The following MTCL1 variants were observed in gnomAD, a reference collection of about 807,000 sequenced individuals.
The protein encoded by MTCL1 is microtubule crosslinking factor 1, also known as microtubule cross-linking factor 1.
Under a neutral mutation model 141.4 loss-of-function variants are expected in MTCL1, and 79 were observed. The ratio of observed to expected loss-of-function variants is 0.56; its 90% CI spans 0.47 to 0.67. The LOEUF (loss-of-function observed/expected upper bound fraction) is 0.67. MTCL1 is among the 30% of genes least tolerant of loss of function. The pLI is 0.00. For missense variants in MTCL1, 2,177 were observed against 2,113.9 expected (o/e 1.03, Z -0.59); for synonymous variants, 914 against 875.8 (o/e 1.04, Z -0.77).
At chr18:8,731,064 T>A (rs555000668) in intron 4 of MTCL1, among the ~76,000 whole-genome samples, 1 of 151,464 alleles carries the variant, frequency 6.6e-6, no homozygotes, top group Non-Finnish European at 1.5e-5. Context: ...GCTAACACGG[T>A]GAAACCCCAT....
At chr18:8,718,731 C>A in intron 3 of MTCL1, 83 bp downstream of exon 2, 1 of 1,203,726 alleles carries the variant, frequency 8.3e-7, no homozygotes, top group South Asian at 1.2e-5. Flanking sequence ...TGTTTTTTCC[C>A]TGCTTGTGTC....
intron 7 of MTCL1, among the ~76,000 whole-genome samples, chr18:8,787,561 T>A (rs1438322224): frequency 6.6e-6 from 1 of 152,278 alleles, no homozygotes; most frequent in Non-Finnish European, 1.5e-5. Flanking sequence ...GTACAGCCGC[T>A]GTCTTGCCAT....
rs568386938 is a variant in MTCL1, at chr18:8,761,373, T to C, written c.358-16460T>C. Among the ~76,000 whole-genome samples the C allele has an allele frequency of 7.9e-5, 12 of 152,342 alleles. No individual in the cohort carries two copies. The East Asian group carries it at 2.3e-3, about 29-fold the overall frequency. ...CGTAAAAGTTACCATTTTAACCTTTTTAAAGCACCAATTTGGTGGCATTAA... is the reference window on the plus strand; with the variant it reads ...CGTAAAAGTTACCATTTTAACCTTTCTAAAGCACCAATTTGGTGGCATTAA... On this transcript the variant is annotated intron_variant, in intron 4 of 16. Coordinates refer to ENST00000359865, the Ensembl canonical transcript of MTCL1.
At chr18:8,732,667 A>T (rs1223415772) in intron 4 of MTCL1, among the ~76,000 whole-genome samples, 1 of 152,146 alleles carries the variant, frequency 6.6e-6, no homozygotes, top group Non-Finnish European at 1.5e-5. Flanking sequence ...ACACAGCCCA[A>T]CTGAATGTCT....
chr18:8,760,695 C>T (rs1020905616), intron 4 of MTCL1, among the ~76,000 whole-genome samples: 2 of 151,768 alleles, frequency 1.3e-5, no homozygotes, highest in East Asian at 1.9e-4. Flanking sequence ...CGTAAGAAAC[C>T]GTGTGTGTGT....
intron 1 of MTCL1, among the ~76,000 whole-genome samples, chr18:8,710,805 G>A (rs1219310186): frequency 5.5e-5 from 8 of 144,560 alleles, no homozygotes; most frequent in Middle Eastern, 3.8e-3. Context: ...GTCTGATAAA[G>A]GAGGGGTTTG....
At chr18:8,783,995 A>T (rs2096541606) in exon 6 of MTCL1, 1 of 1,613,564 alleles carries the variant, frequency 6.2e-7, no homozygotes, top group Admixed American at 1.7e-5. Flanking sequence ...CATCTCCGAG[A>T]TCGAAGACCA....
At chr18:8,784,281 A>T in exon 6 of MTCL1, 1 of 1,592,630 alleles carries the variant, frequency 6.3e-7, no homozygotes, top group South Asian at 1.1e-5. Context: ...GCCGAGAGTG[A>T]TGCGGGCAAG....
rs759175188 is a variant in MTCL1, at chr18:8,819,020, G to C, written c.2917G>C (p.Gly973Arg). Reference sequence around the variant, plus strand: ...CAGTTTCCTCTGTGATCAAAAAGACGGCAACGTTCGCCCCTTTCCCCACCA... The same window carrying C: ...CAGTTTCCTCTGTGATCAAAAAGACCGCAACGTTCGCCCCTTTCCCCACCA... The change falls in exon 13 of 17, where the codon GGC (glycine) becomes CGC (arginine). Residue 973 changes from glycine to arginine, a missense_variant. Transcript: ENST00000359865. 54 of 1,614,104 alleles carry C rather than the reference G, an allele frequency of 3.3e-5. No homozygotes were observed. The East Asian group carries it at 1.2e-3, about 35-fold the overall frequency.
intron 9 of MTCL1, among the ~76,000 whole-genome samples, chr18:8,797,180 A>T (rs940281372): frequency 3.3e-5 from 5 of 152,264 alleles, no homozygotes; most frequent in East Asian, 1.9e-4. Flanking sequence ...ATCTCATTCA[A>T]CCTTGCTGGT....
At chr18:8,817,273 TAAAG>T (rs2076686915) in intron 12 of MTCL1, among the ~76,000 whole-genome samples, 5 of 149,352 alleles carry the variant, frequency 3.3e-5, no homozygotes, top group East Asian at 1.9e-4. Flanking sequence ...TTTTTTTTTT[TAAAG>T]AAAGCAGTTA....
At chr18:8,747,006 G>A (rs772380824) in intron 4 of MTCL1, among the ~76,000 whole-genome samples, 48 of 152,194 alleles carry the variant, frequency 3.2e-4, no homozygotes, top group South Asian at 2.1e-4. Flanking sequence ...ACTGAGCATC[G>A]TCACCTGGGG....
rs150207331 is a variant in MTCL1, at chr18:8,822,350, A to G, written c.3188+852A>G. 7.1e-3 allele frequency among the ~76,000 whole-genome samples: 1,079 copies of G among 152,310 alleles called. 7 individuals carry two copies. The highest frequency in any genetic ancestry group is 0.025 in the African/African-American group (1,040 of 41,550). ...CGCTCTGTCTCCCAGGCTGGAGTAC[A>G]GTGGCACAATCTTGGCTCACTGCAA... is the stretch of plus-strand genomic sequence containing the variant. On this transcript the variant is annotated intron_variant, in intron 14 of 16. Coordinates refer to ENST00000359865, the Ensembl canonical transcript of MTCL1. The surrounding 1 kb of genome is among the most constrained non-coding windows in gnomAD (Gnocchi z 4.6).
chr18:8,798,985 A>G (rs1042986186), intron 10 of MTCL1, among the ~76,000 whole-genome samples: 1 of 152,204 alleles, frequency 6.6e-6, no homozygotes, highest in Non-Finnish European at 1.5e-5. Flanking sequence ...GTCCCCTCTA[A>G]CCCAACTTTA....
chr18:8,705,986 A>G lies in MTCL1; in HGVS notation c.326A>G (p.Asp109Gly), dbSNP rs918011868. The change falls in exon 1 of 14, where the codon GAC becomes GGC. Residue 109 changes from aspartate to glycine, a missense_variant. Asp to Gly is a moderately conservative substitution (Grantham distance 94). Transcript: ENST00000306329. This position sits in a 1 kb window ranked among gnomAD's most constrained non-coding sequence, Gnocchi z 5.2. ...AGTGGCGGCGTCCCGGGCGCGAAGG[A>G]CAAGCCCCCGCCGGGCGCCGGGGCC... is the stretch of plus-strand genomic sequence containing the variant. 101 of 1,142,088 alleles carry G rather than the reference A, an allele frequency of 8.8e-5. No individual in the cohort carries two copies. The highest frequency in any genetic ancestry group is 4.4e-4 in the Admixed American group (9 of 20,604). The allele number at this position is 1,142,088 out of a possible 1,614,324, so 70.7% of individuals were successfully genotyped here. A position where few individuals can be genotyped will look rare whatever the true frequency, so the allele number is the denominator to read the frequency against.
At position 8,809,388 on chromosome 18, in the gene MTCL1, A is replaced by G. The variant is rs2076404338; in HGVS notation, c.2604+2328A>G. On this transcript the variant is annotated intron_variant, in intron 11 of 16. Transcript: ENST00000359865. ...CAACAGAAATCACGGATCTTTTTGA[A>G]AGGAAGTATGGAATGAAAGAATAAA... 3 of 1,514,782 alleles carry G rather than the reference A, an allele frequency of 2.0e-6. No individual in the cohort carries two copies. The Admixed American group carries it at 6.0e-5, about 30-fold the overall frequency. The allele number at this position is 1,514,782 out of a possible 1,614,324, so 93.8% of individuals were successfully genotyped here.
At chr18:8,762,351 C>A (rs566626367) in intron 4 of MTCL1, among the ~76,000 whole-genome samples, 14 of 152,358 alleles carry the variant, frequency 9.2e-5, no homozygotes, top group African/African-American at 3.4e-4. Flanking sequence ...CAGAACTCAG[C>A]ATCAGCTGAG....
rs75507113 is a variant in MTCL1, at chr18:8,828,160, G to A, written c.4723-748G>A. ...CTCCATGAATTATGCAGTAGTTCTC[G>A]GTATGCGTTCCCAAATCCCCAGGAC... On this transcript the variant is annotated intron_variant, in intron 15 of 16. Transcript: ENST00000359865. The surrounding 1 kb of genome is among the most constrained non-coding windows in gnomAD (Gnocchi z 5.2). Among the ~76,000 whole-genome samples the A allele has an allele frequency of 0.011, 1,679 of 152,168 alleles. 44 individuals carry two copies. Among genetic ancestry groups the A allele is most frequent in the African/African-American group, 0.039 (1,604 of 41,508 alleles).
intron 4 of MTCL1, among the ~76,000 whole-genome samples, chr18:8,755,444 G>A (rs1476949210): frequency 6.6e-6 from 1 of 152,190 alleles, no homozygotes; most frequent in Non-Finnish European, 1.5e-5. Context: ...GCGTGTGTGA[G>A]TGTTACTCTT....
Sources: gnomAD v4.1 joint callset for allele counts (sites outside exome capture counted in the v4.1 genomes callset) on GRCh38, gnomAD v4.1.1 for gene constraint, Gnocchi (gnomAD v3.1) non-coding constraint, MANE v1.5 for transcripts, NCBI Gene and HGNC (gene_info 2026-07-23, HGNC 2026-07-21) for gene names.